The following NMT2 variants were observed in gnomAD, a reference collection of about 807,000 sequenced individuals.
NMT2 encodes glycylpeptide N-tetradecanoyltransferase 2.
NMT2 carries 35 observed loss-of-function variants against 65.4 expected under a neutral mutation model. The observed-to-expected ratio is 0.54, with a 90% CI of 0.41 to 0.71. The LOEUF (loss-of-function observed/expected upper bound fraction) is 0.71. NMT2 is among the 30% of genes least tolerant of loss of function. The pLI, the probability that NMT2 is intolerant of heterozygous loss-of-function variation, is 0.00. For missense variants in NMT2, 489 were observed against 611.3 expected (o/e 0.80, Z 2.11); for synonymous variants, 226 against 231.8 (o/e 0.98, Z 0.23).
chr10:15,143,584 TGG>T lies in NMT2; in HGVS notation c.111-2029_111-2028del, dbSNP rs757733984. 3.9e-5 allele frequency among the ~76,000 whole-genome samples: 6 copies of T among 152,328 alleles called. No individual in the cohort carries two copies. In the South Asian group the frequency reaches 1.0e-3, roughly 26 times the overall value. On this transcript the variant is annotated intron_variant, in intron 1 of 11. Transcript: ENST00000378165. ...AGTTAGTAATTTGCTCAGCCAGGCA[TGG>T]TGGCTCACGCCTATAATCCCAGCAC...
chr10:15,166,194 A>G (rs1833373212), intron 1 of NMT2, among the ~76,000 whole-genome samples: 1 of 152,214 alleles, frequency 6.6e-6, no homozygotes, highest in African/African-American at 2.4e-5. Flanking sequence ...AAGGACTAGT[A>G]AATACATTAT....
intron 1 of NMT2, among the ~76,000 whole-genome samples, chr10:15,158,886 G>A (rs1422727132): frequency 3.3e-5 from 5 of 152,084 alleles, no homozygotes; most frequent in African/African-American, 2.4e-5. Flanking sequence ...ACACTGATCC[G>A]ATTCATGGGG....
intron 1 of NMT2, among the ~76,000 whole-genome samples, chr10:15,143,457 G>A (rs553441231): frequency 2.7e-4 from 41 of 152,336 alleles, no homozygotes; most frequent in African/African-American, 7.7e-4. Flanking sequence ...TTTCCAAGAA[G>A]CTTGGTTACA....
intron 1 of NMT2, chr10:15,154,668 ATGGAACCCAAAGGGAAATGCAG>A: frequency 2.3e-6 from 1 of 429,856 alleles, no homozygotes; most frequent in South Asian, 2.0e-5. Flanking sequence ...CAAGGAAAAC[ATGGAACCCAAAGGGAAATGCAG>A]TGAGAGCACA....
rs1158422714 is a variant in NMT2 at position 15,112,868 on chromosome 10, G to A, written c.1266C>T (p.Tyr422=). 1.7e-5 allele frequency: 28 copies of A among 1,614,062 alleles called. No individual in the cohort carries two copies. The highest frequency in any genetic ancestry group is 2.2e-5 in the Non-Finnish European group (26 of 1,180,048). Residue 422 remains tyrosine, a synonymous_variant, in exon 10 of 12, where the codon TAC becomes TAT. Transcript: ENST00000378165. ...HPAHKSLKAA[Y]SFYNIHTETP... ...TCTCTGTGTGGATGTTGTAGAATGA[G>A]TAGGCGGCTTTGAGGCTCTTGTGAG...
intron 1 of NMT2, among the ~76,000 whole-genome samples, chr10:15,146,609 G>A (rs1846972424): frequency 1.3e-5 from 2 of 152,190 alleles, no homozygotes; most frequent in African/African-American, 4.8e-5. Flanking sequence ...CCCAAGGATG[G>A]CAGAGCCACA....
chr10:15,108,744 A>G lies in NMT2; in HGVS notation c.*451T>C, dbSNP rs529605257. ...ACCATGTAAGGTGATACCAGTAAAA[A>G]AAATTTCCAAATGGATCTTTTGTTC... On this transcript the variant is annotated 3_prime_UTR_variant, in exon 12 of 12. Transcript: ENST00000378165. The G allele has an allele frequency of 1.2e-5, 12 of 1,019,692 alleles. No homozygotes were observed. In the South Asian group the frequency reaches 4.7e-4, roughly 40 times the overall value. 63.2% of individuals were successfully genotyped at this position (1,019,692 alleles called of 1,614,324 possible). A position where few individuals can be genotyped will look rare whatever the true frequency, so the allele number is the denominator to read the frequency against.
intron 2 of NMT2, chr10:15,138,458 G>A (rs761578576): frequency 1.3e-5 from 6 of 470,992 alleles, no homozygotes; most frequent in Non-Finnish European, 2.2e-5. Context: ...GAATGAGTGT[G>A]CATCAGGCAA....
At chr10:15,139,668 C>A (rs1183420637) in intron 2 of NMT2, 1 of 151,372 alleles carries the variant, frequency 6.6e-6, no homozygotes, top group African/African-American at 2.4e-5. Flanking sequence ...GAAGAAGATT[C>A]CATTTTCTTC....
chr10:15,143,029 A>C (rs756151234), intron 1 of NMT2, among the ~76,000 whole-genome samples: 7 of 152,202 alleles, frequency 4.6e-5, no homozygotes, highest in Non-Finnish European at 8.8e-5. Context: ...GTCTATTCTT[A>C]ATTGCGTCCC....
In NMT2 at chr10:15,133,033, C is replaced by T; in HGVS notation, c.602+20G>A. ...AGTCAGCAGCGCCTATCCACGACAT[C>T]TGTGATCGATGAGACTTACCACAAC... is the stretch of plus-strand genomic sequence containing the variant. On this transcript the variant is annotated intron_variant, in intron 5 of 11. Transcript: ENST00000378165. 6.2e-7 allele frequency: 1 copy of T among 1,609,340 alleles called. No homozygotes were observed. The highest frequency in any genetic ancestry group is 1.1e-5 in the South Asian group (1 of 90,918).
In NMT2 at chr10:15,109,747, C is replaced by T; in HGVS notation, c.1431G>A (p.Gln477=). The T allele has an allele frequency of 6.2e-7, 1 of 1,613,776 alleles. No individual in the cohort carries two copies. The highest frequency in any genetic ancestry group is 1.1e-5 in the South Asian group (1 of 91,030). Reference sequence around the variant, plus strand: ...GACACCTCCAATTGTACAGGTAATACTGCAAATTGCCATCTCCTATACCAA... The same window carrying T: ...GACACCTCCAATTGTACAGGTAATATTGCAAATTGCCATCTCCTATACCAA... ...LKFGIGDGNL[Q]YYLYNWRCPG... Residue 477 remains glutamine (Q), a synonymous_variant, in exon 11 of 12, where the codon CAG becomes CAA. Coordinates refer to ENST00000378165, the MANE Select transcript of NMT2 (RefSeq NM_004808.3).
chr10:15,154,811 A>T, intron 1 of NMT2: 1 of 765,236 alleles, frequency 1.3e-6, no homozygotes. Context: ...AGAGTTGTCC[A>T]CAGTCAGCAG....
At chr10:15,109,603 C>A in intron 11 of NMT2, 99 bp downstream of exon 11, 3 of 934,692 alleles carry the variant, frequency 3.2e-6, no homozygotes, top group Non-Finnish European at 3.0e-6. Context: ...ATAAAATGAA[C>A]AAAAATAAAA....
chr10:15,140,662 C>G (rs557232906), intron 2 of NMT2, among the ~76,000 whole-genome samples: 3 of 152,012 alleles, frequency 2.0e-5, no homozygotes, highest in Non-Finnish European at 2.9e-5. Flanking sequence ...GGACTACAGG[C>G]GTGAGCCACC....
chr10:15,157,335 C>T (rs894485854), intron 1 of NMT2, among the ~76,000 whole-genome samples: 3 of 152,194 alleles, frequency 2.0e-5, no homozygotes, highest in African/African-American at 7.2e-5. Context: ...TTACTCAAAG[C>T]ATCCACAAAG....
At chr10:15,132,956 A>C in intron 5 of NMT2, 23 bp from the exon 6 acceptor site, 1 of 1,603,664 alleles carries the variant, frequency 6.2e-7, no homozygotes, top group East Asian at 2.2e-5. Flanking sequence ...TAGACAAGAA[A>C]ACAGGCACCA....
At chr10:15,111,883 G>C (rs1038995401) in intron 10 of NMT2, 1 of 150,862 alleles carries the variant, frequency 6.6e-6, no homozygotes, top group African/African-American at 2.4e-5. Context: ...GTGCAATCTC[G>C]GCTCACTGCA....
Position 15,141,751 on chromosome 10 carries a change from C to A in NMT2, c.111-194G>T, listed in dbSNP as rs1332779819. ...CAGGCAATGCAGAAGAATACCAGCCCCCGCTCAGTCATCCTGCAGGTGCTT... is the reference window on the plus strand; with the variant it reads ...CAGGCAATGCAGAAGAATACCAGCCACCGCTCAGTCATCCTGCAGGTGCTT... On this transcript the variant is annotated intron_variant, in intron 1 of 11. Transcript: ENST00000378165. Among the ~76,000 whole-genome samples the A allele has an allele frequency of 7.2e-5, 11 of 152,144 alleles. 1 individual carries two copies. Among genetic ancestry groups the A allele is most frequent in the Admixed American group, 7.2e-4 (11 of 15,276 alleles).
Sources: allele counts gnomAD v4.1 joint callset (sites outside exome capture counted in the v4.1 genomes callset), GRCh38; gene constraint gnomAD v4.1.1; transcripts MANE v1.5; gene names NCBI Gene and HGNC (gene_info 2026-07-23, HGNC 2026-07-21).